Variants in AGBL4 observed in about 807,000 individuals in gnomAD.
AGBL4 encodes AGBL carboxypeptidase 4, also known as cytosolic carboxypeptidase 6.
In AGBL4, 58 loss-of-function variants were observed where a neutral mutation model predicts 66.4. The ratio of observed to expected loss-of-function variants is 0.87; its 90% CI spans 0.71 to 1.09. The LOEUF is 1.09. Ranked by LOEUF, AGBL4 falls within the 50% of genes least tolerant of loss-of-function variation. The pLI, the probability that AGBL4 is intolerant of heterozygous loss-of-function variation, is 0.00. For synonymous variants in AGBL4, 234 were observed against 222.9 expected, an observed-to-expected ratio of 1.05 and a Z score of -0.44; for missense variants, 579 against 631.0, an observed-to-expected ratio of 0.92 and a Z score of 0.88.
chr1:49,590,972 A>G (rs1167187613), intron 3 of AGBL4, among the ~76,000 whole-genome samples: 1 of 152,120 alleles, frequency 6.6e-6, no homozygotes, highest in Non-Finnish European at 1.5e-5. Flanking sequence ...TAAAAATAAA[A>G]ACAAGGATTA....
Position 49,261,403 on chromosome 1 carries a change from G to A in AGBL4, c.283-15539C>T, listed in dbSNP as rs565917355. Among the ~76,000 whole-genome samples, 16 of 152,278 alleles carry A rather than the reference G, an allele frequency of 1.1e-4. No homozygotes were observed. In the South Asian group the frequency reaches 3.3e-3, roughly 32 times the overall value. The stretch of plus-strand genomic sequence containing the variant: ...TGCAGACGACATGATTGTATATCTA[G>A]AAGACCCCATTGGCTCAGCCCAAAA... On this transcript the variant is annotated intron_variant, in intron 3 of 13. Coordinates refer to ENST00000371839, the MANE Select transcript of AGBL4 (RefSeq NM_032785.4).
chr1:49,955,261 T>C (rs1296248262), intron 1 of AGBL4, among the ~76,000 whole-genome samples: 1 of 151,922 alleles, frequency 6.6e-6, no homozygotes, highest in Non-Finnish European at 1.5e-5. Flanking sequence ...ACCACAGAAG[T>C]TTCATTGAGT....
chr1:48,685,852 T>G (rs1209352808), intron 6 of AGBL4, among the ~76,000 whole-genome samples: 1 of 152,204 alleles, frequency 6.6e-6, no homozygotes, highest in African/African-American at 2.4e-5. Flanking sequence ...TCACCAGCCT[T>G]AAGCTCTGGA....
rs146563095 is a variant in AGBL4 at position 49,318,367 on chromosome 1, T to C, written c.283-72503A>G. 1.4e-3 allele frequency among the ~76,000 whole-genome samples: 218 copies of C among 151,350 alleles called. 1 individual carries two copies. Among genetic ancestry groups the C allele is most frequent in the African/African-American group, 5.2e-3 (212 of 41,154 alleles). The stretch of plus-strand genomic sequence containing the variant: ...ATTAGTTTATGGCAGGAATACAACA[T>C]ACGGGAATATTTAAATGCAGATGAT... On this transcript the variant is annotated intron_variant, in intron 3 of 13. Transcript: ENST00000371839.
chr1:48,801,324 T>C (rs1354174637), intron 6 of AGBL4, among the ~76,000 whole-genome samples: 2 of 152,214 alleles, frequency 1.3e-5, no homozygotes, highest in African/African-American at 4.8e-5. Context: ...CTCCTGCACT[T>C]GTATCTACAG....
intron 3 of AGBL4, among the ~76,000 whole-genome samples, chr1:49,529,338 A>G (rs1191758166): frequency 6.6e-6 from 1 of 152,154 alleles, no homozygotes; most frequent in African/African-American, 2.4e-5. Flanking sequence ...AGTTCAAAAG[A>G]TGATACCCTG....
At chr1:49,584,057 T>A (rs1412628974) in intron 3 of AGBL4, among the ~76,000 whole-genome samples, 1 of 152,168 alleles carries the variant, frequency 6.6e-6, no homozygotes, top group Non-Finnish European at 1.5e-5. Context: ...CCTTATATTA[T>A]CTCCATGTTG....
At chr1:49,556,971 C>G (rs563956833) in intron 3 of AGBL4, among the ~76,000 whole-genome samples, 6 of 152,252 alleles carry the variant, frequency 3.9e-5, no homozygotes, top group East Asian at 1.9e-4. Context: ...TGCCTGGGGC[C>G]GGCGGTGCCT....
chr1:49,647,422 C>A (rs1013476344), intron 3 of AGBL4, among the ~76,000 whole-genome samples: 1 of 152,070 alleles, frequency 6.6e-6, no homozygotes, highest in Non-Finnish European at 1.5e-5. Context: ...CCACAGGAAC[C>A]AGTGCCAGTG....
chr1:49,330,966 A>C (rs2148490756), intron 3 of AGBL4, among the ~76,000 whole-genome samples: 1 of 152,276 alleles, frequency 6.6e-6, no homozygotes, highest in African/African-American at 2.4e-5. Context: ...CAACACAGAG[A>C]CAAGGGAACC....
At chr1:49,957,651 A>T (rs563094804) in intron 1 of AGBL4, among the ~76,000 whole-genome samples, 16 of 151,934 alleles carry the variant, frequency 1.1e-4, no homozygotes, top group East Asian at 1.9e-4. Flanking sequence ...GTTGGTTTAA[A>T]GTCTGTTTTA....
chr1:49,186,947 T>C (rs1289981983), intron 4 of AGBL4, among the ~76,000 whole-genome samples: 1 of 152,126 alleles, frequency 6.6e-6, no homozygotes, highest in Non-Finnish European at 1.5e-5. Flanking sequence ...TCATCTACAA[T>C]GTCCATGAAA....
intron 3 of AGBL4, among the ~76,000 whole-genome samples, chr1:49,589,072 G>C (rs1419511585): frequency 6.6e-6 from 1 of 152,154 alleles, no homozygotes; most frequent in Non-Finnish European, 1.5e-5. Flanking sequence ...ACAATTACCA[G>C]TGAAGGTAGG....
intron 8 of AGBL4, among the ~76,000 whole-genome samples, chr1:48,646,570 AC>A (rs1645840662): frequency 7.2e-6 from 1 of 138,500 alleles, no homozygotes. Context: ...TGCTGGAAAT[AC>A]CTTCCCTGGT....
chr1:48,996,904 G>T (rs958767711), intron 5 of AGBL4, among the ~76,000 whole-genome samples: 1 of 150,120 alleles, frequency 6.7e-6, no homozygotes, highest in African/African-American at 2.5e-5. Context: ...TAATTTGTTT[G>T]CATATAGGAA....
At chr1:48,643,005 A>C (rs1387559556) in intron 8 of AGBL4, among the ~76,000 whole-genome samples, 3 of 152,176 alleles carry the variant, frequency 2.0e-5, no homozygotes, top group Admixed American at 2.0e-4. Context: ...CTAATCTGAA[A>C]AGTGGGAATT....
chr1:48,837,709 CACTATATATATATA>C (rs1161544515), intron 6 of AGBL4, among the ~76,000 whole-genome samples: 5,290 of 75,076 alleles, frequency 0.07, 402 homozygotes, highest in African/African-American at 0.26. Flanking sequence ...CACACACACA[CACTATATATATATA>C]TATATATATA....
intron 5 of AGBL4, among the ~76,000 whole-genome samples, chr1:48,875,205 T>C (rs892529562): frequency 4.6e-5 from 7 of 151,862 alleles, no homozygotes; most frequent in African/African-American, 1.7e-4. Context: ...CCAAGAAAAA[T>C]ATGGGAAAAG....
chr1:49,567,428 C>T (rs558763188), intron 3 of AGBL4, among the ~76,000 whole-genome samples: 94 of 152,186 alleles, frequency 6.2e-4, no homozygotes, highest in Non-Finnish European at 1.1e-3. Context: ...TGTTCCTATT[C>T]GGCCATCTTG....
Sources: allele counts gnomAD v4.1 joint callset (sites outside exome capture counted in the v4.1 genomes callset), GRCh38; gene constraint gnomAD v4.1.1; transcripts MANE v1.5; gene names NCBI Gene and HGNC (gene_info 2026-07-23, HGNC 2026-07-21).